The following SLC71A1 variants were observed in gnomAD, a reference collection of about 807,000 sequenced individuals.
SLC71A1 encodes the protein solute carrier family 71 member 1.
At chr1:100,083,089 A>ATGTT in the SLC71A1 span, 4 of 152,672 alleles carry the variant, frequency 2.6e-5, no homozygotes, top group East Asian at 5.8e-4. Context: ...TACAGAGCTA[A>ATGTT]TGTTTGTCCT....
chr1:100,080,467 C>T, the SLC71A1 span: 1 of 1,587,212 alleles, frequency 6.3e-7, no homozygotes. Context: ...AGGTAGTTTA[C>T]TAAGTGATAA....
the SLC71A1 span, among the ~76,000 whole-genome samples, chr1:100,065,667 T>C: frequency 6.7e-6 from 1 of 149,800 alleles, no homozygotes; most frequent in African/African-American, 2.5e-5. Flanking sequence ...TCCTTTTCCT[T>C]TCCCTTCCCC....
the SLC71A1 span, chr1:100,078,393 G>T: frequency 1.8e-6 from 2 of 1,100,366 alleles, no homozygotes; most frequent in South Asian, 2.7e-5. Context: ...TATGTAGTTT[G>T]ACTTTCAGGT....
At chr1:100,066,943 C>A in the SLC71A1 span, among the ~76,000 whole-genome samples, 4,516 of 141,240 alleles carry the variant, frequency 0.032, 97 homozygotes, top group South Asian at 0.058. Flanking sequence ...GAGCCGAGAT[C>A]GCGCCACTGC....
chr1:100,048,239 T>G, the SLC71A1 span, among the ~76,000 whole-genome samples: 1 of 151,370 alleles, frequency 6.6e-6, no homozygotes. Flanking sequence ...GGTGCAGTGG[T>G]GGGATCTCAA....
At chr1:100,078,898 C>T in the SLC71A1 span, 1 of 166,200 alleles carries the variant, frequency 6.0e-6, no homozygotes, top group Non-Finnish European at 1.3e-5. Flanking sequence ...GGGGAAACCC[C>T]ATCACTAAAA....
the SLC71A1 span, among the ~76,000 whole-genome samples, chr1:100,045,145 T>C: frequency 2.0e-5 from 3 of 152,226 alleles, no homozygotes; most frequent in African/African-American, 7.2e-5. Flanking sequence ...ATGGGATGTG[T>C]TTCCCTTTGT....
chr1:100,062,146 T>G, the SLC71A1 span: 1 of 465,364 alleles, frequency 2.1e-6, no homozygotes, highest in Admixed American at 4.1e-5. Flanking sequence ...TCTTTTCATT[T>G]AGTAGATATT....
chr1:100,046,153 T>C, the SLC71A1 span, among the ~76,000 whole-genome samples: 2 of 151,218 alleles, frequency 1.3e-5, no homozygotes, highest in Non-Finnish European at 3.0e-5. Flanking sequence ...TATGCTGTTT[T>C]GGTTACTATC....
At chr1:100,065,318 C>T in the SLC71A1 span, among the ~76,000 whole-genome samples, 1 of 152,312 alleles carries the variant, frequency 6.6e-6, no homozygotes, top group East Asian at 1.9e-4. Flanking sequence ...TTGCCTTAAG[C>T]AATAGAGTTG....
At chr1:100,058,538 T>C in the SLC71A1 span, 3 of 650,640 alleles carry the variant, frequency 4.6e-6, no homozygotes, top group Non-Finnish European at 8.4e-6. Context: ...CATATGCATG[T>C]CATACAAATC....
At chr1:100,050,074 T>C in the SLC71A1 span, 1 of 841,194 alleles carries the variant, frequency 1.2e-6, no homozygotes, top group Non-Finnish European at 2.0e-6. Context: ...GAGGAAAATG[T>C]GGGCCTTTTC....
chr1:100,049,239 T>G, the SLC71A1 span, among the ~76,000 whole-genome samples: 1 of 152,214 alleles, frequency 6.6e-6, no homozygotes, highest in Non-Finnish European at 1.5e-5. Context: ...TCCAAATCTC[T>G]TACATACTTT....
chr1:100,068,986 AT>A, the SLC71A1 span, among the ~76,000 whole-genome samples: 9 of 152,300 alleles, frequency 5.9e-5, no homozygotes, highest in African/African-American at 2.2e-4. Context: ...CCGTCTCAAA[AT>A]TAAATAAATA....
chr1:100,050,689 A>T, the SLC71A1 span, among the ~76,000 whole-genome samples: 3 of 152,246 alleles, frequency 2.0e-5, no homozygotes, highest in Admixed American at 6.5e-5. Flanking sequence ...TAAAAAAGTT[A>T]TTTAATAGAA....
the SLC71A1 span, among the ~76,000 whole-genome samples, chr1:100,078,174 C>T: frequency 6.6e-6 from 1 of 152,178 alleles, no homozygotes; most frequent in Admixed American, 6.5e-5. Context: ...TATAACCTCT[C>T]AATTGCCTGT....
chr1:100,070,031 C>T, the SLC71A1 span, among the ~76,000 whole-genome samples: 3 of 152,158 alleles, frequency 2.0e-5, no homozygotes. Flanking sequence ...GGGGATACAG[C>T]AGTGAACTTA....
the SLC71A1 span, among the ~76,000 whole-genome samples, chr1:100,062,580 A>G: frequency 6.6e-6 from 1 of 152,362 alleles, no homozygotes; most frequent in Admixed American, 6.5e-5. Flanking sequence ...ACAATAATAG[A>G]TCACTACTGA....
At chr1:100,075,642 C>A in the SLC71A1 span, among the ~76,000 whole-genome samples, 1 of 152,062 alleles carries the variant, frequency 6.6e-6, no homozygotes, top group Non-Finnish European at 1.5e-5. Flanking sequence ...CATTTCTAAT[C>A]TTTCTGATTA....
Sources: gnomAD v4.1 joint callset for allele counts (sites outside exome capture counted in the v4.1 genomes callset) on GRCh38, gnomAD v4.1.1 for gene constraint, MANE v1.5 for transcripts, NCBI Gene and HGNC (gene_info 2026-07-23, HGNC 2026-07-21) for gene names.